Variants in PDE4D observed in about 807,000 individuals in gnomAD.
PDE4D encodes phosphodiesterase 4D.
A neutral mutation model predicts 87.4 loss-of-function variants in PDE4D; 24 were observed. The observed-to-expected ratio is 0.27, with a 90% CI of 0.20 to 0.39. PDE4D has a LOEUF of 0.39. Ranked by LOEUF, PDE4D falls within the 10% of genes least tolerant of loss-of-function variation. PDE4D has a pLI of 1.00. For missense variants in PDE4D, 714 were observed against 1,041.0 expected, an observed-to-expected ratio of 0.69 and a Z score of 4.32; for synonymous variants, 384 against 383.2, an observed-to-expected ratio of 1.00 and a Z score of -0.02.
At chr5:58,983,548 A>G (rs556968595) in intron 11 of PDE4D, among the ~76,000 whole-genome samples, 4 of 152,338 alleles carry the variant, frequency 2.6e-5, no homozygotes, top group African/African-American at 7.2e-5. Context: ...CAGCAGGCCT[A>G]TATCTTTCTT....
intron 2 of PDE4D, among the ~76,000 whole-genome samples, chr5:59,214,310 G>C (rs892615932): frequency 6.6e-6 from 1 of 152,040 alleles, no homozygotes; most frequent in Non-Finnish European, 1.5e-5. Context: ...TGGCTCTCAG[G>C]TCCCATAGAC....
rs1398505310 is a variant in PDE4D at position 59,738,274 on chromosome 5, T to C, written c.455+154894A>G. Among the ~76,000 whole-genome samples, 7 of 152,268 alleles carry C rather than the reference T, an allele frequency of 4.6e-5. No homozygotes were observed. In the East Asian group the frequency reaches 1.3e-3, roughly 29 times the overall value. On this transcript the variant is annotated intron_variant, in intron 1 of 14. Coordinates refer to ENST00000340635, the MANE Select transcript of PDE4D (RefSeq NM_001104631.2). ...ATATTTGTACCAAACATCACATTTG[T>C]CATACAATGTATTCTGTTGTCAGAT... is the stretch of plus-strand genomic sequence containing the variant.
intron 1 of PDE4D, among the ~76,000 whole-genome samples, chr5:59,492,384 T>C (rs1414688617): frequency 1.3e-5 from 2 of 152,216 alleles, no homozygotes; most frequent in East Asian, 1.9e-4. Context: ...TGCTCACACT[T>C]GGCACCTGAC....
chr5:59,714,784 C>G (rs943663811), intron 1 of PDE4D, among the ~76,000 whole-genome samples: 2 of 152,212 alleles, frequency 1.3e-5, no homozygotes, highest in African/African-American at 4.8e-5. Context: ...TTATGTTAAC[C>G]TCTGATTCTC....
At chr5:59,862,128 C>A (rs1297231474) in intron 1 of PDE4D, among the ~76,000 whole-genome samples, 2 of 152,128 alleles carry the variant, frequency 1.3e-5, no homozygotes, top group African/African-American at 2.4e-5. Context: ...AGTGTTAATG[C>A]CTAACTGGCC....
At chr5:59,118,201 C>T (rs772919222) in intron 5 of PDE4D, among the ~76,000 whole-genome samples, 7 of 152,162 alleles carry the variant, frequency 4.6e-5, no homozygotes, top group Admixed American at 6.5e-5. Flanking sequence ...GTTTCTTGAA[C>T]GTATCAGGTA....
intron 1 of PDE4D, among the ~76,000 whole-genome samples, chr5:59,870,882 C>T (rs1015648262): frequency 1.3e-5 from 2 of 152,152 alleles, no homozygotes; most frequent in African/African-American, 4.8e-5. Context: ...AAAAACTAAT[C>T]CAAGTAAGAA....
intron 5 of PDE4D, among the ~76,000 whole-genome samples, chr5:59,075,870 C>T (rs976010537): frequency 2.0e-5 from 3 of 152,012 alleles, no homozygotes; most frequent in Non-Finnish European, 4.4e-5. Flanking sequence ...CCCATACTAT[C>T]TTTTCCTATG....
At chr5:59,685,021 T>C (rs1412854958) in intron 1 of PDE4D, among the ~76,000 whole-genome samples, 1 of 152,206 alleles carries the variant, frequency 6.6e-6, no homozygotes, top group Non-Finnish European at 1.5e-5. Flanking sequence ...CATTTTGGCA[T>C]GGGCTTCTTG....
At chr5:60,269,370 G>A (rs559675214) in intron 1 of PDE4D, among the ~76,000 whole-genome samples, 1 of 152,306 alleles carries the variant, frequency 6.6e-6, no homozygotes, top group Non-Finnish European at 1.5e-5. Context: ...ATTAGGCTCT[G>A]CTACATTCCA....
At chr5:59,721,867 C>T (rs1306997379) in intron 1 of PDE4D, among the ~76,000 whole-genome samples, 1 of 152,122 alleles carries the variant, frequency 6.6e-6, no homozygotes, top group East Asian at 1.9e-4. Context: ...TAAAAATCTC[C>T]TCTGTGTCTT....
intron 1 of PDE4D, among the ~76,000 whole-genome samples, chr5:59,543,378 A>C (rs1023072943): frequency 1.4e-4 from 22 of 152,272 alleles, no homozygotes; most frequent in Admixed American, 3.9e-4. Flanking sequence ...AATTCTTAGA[A>C]GGGAGGAACC....
chr5:60,045,933 T>C (rs1341977511), intron 2 of PDE4D, among the ~76,000 whole-genome samples: 2 of 152,214 alleles, frequency 1.3e-5, no homozygotes, highest in East Asian at 3.8e-4. Context: ...GGGATGGCAC[T>C]GAATCTTTAA....
At chr5:59,405,454 C>T (rs1791443026) in intron 1 of PDE4D, among the ~76,000 whole-genome samples, 1 of 152,114 alleles carries the variant, frequency 6.6e-6, no homozygotes, top group South Asian at 2.1e-4. Flanking sequence ...AATCTGTTTA[C>T]CAGTTCTAGT....
In PDE4D at chr5:59,805,713, C is replaced by T. The variant is rs79087224; in HGVS notation, c.455+87455G>A. On this transcript the variant is annotated intron_variant, in intron 1 of 14. Transcript: ENST00000340635. ...AGGCAAGTGGATAGGGATATTTAGT[C>T]CTTGGGATTCTAAAAATCTCAAAGA... Among the ~76,000 whole-genome samples, 1,332 of 152,288 alleles carry T rather than the reference C, an allele frequency of 8.7e-3. 13 individuals carry two copies. Among genetic ancestry groups the T allele is most frequent in the East Asian group, 0.037 (192 of 5,186 alleles).
intron 2 of PDE4D, among the ~76,000 whole-genome samples, chr5:60,104,650 T>G (rs575389537): frequency 5.4e-4 from 82 of 152,094 alleles, no homozygotes; most frequent in Non-Finnish European, 9.7e-4. Context: ...GGCCAAGTAC[T>G]CCTCTGAGAC....
chr5:59,438,571 C>A (rs976543349), intron 1 of PDE4D, among the ~76,000 whole-genome samples: 6 of 152,078 alleles, frequency 3.9e-5, no homozygotes, highest in African/African-American at 1.2e-4. Flanking sequence ...ACAGCTATTG[C>A]CCTGGAATGA....
At chr5:59,720,928 T>A (rs923365737) in intron 1 of PDE4D, among the ~76,000 whole-genome samples, 1 of 152,172 alleles carries the variant, frequency 6.6e-6, no homozygotes, top group Non-Finnish European at 1.5e-5. Flanking sequence ...TTGGGTTCTA[T>A]ACAAATGTAG....
intron 1 of PDE4D, among the ~76,000 whole-genome samples, chr5:60,474,046 T>C (rs900556590): frequency 7.1e-6 from 1 of 141,350 alleles, no homozygotes; most frequent in South Asian, 2.3e-4. Flanking sequence ...TTTTTTTATC[T>C]TCCCAAGGCA....
Sources: gnomAD v4.1 joint callset for allele counts (sites outside exome capture counted in the v4.1 genomes callset) on GRCh38, gnomAD v4.1.1 for gene constraint, MANE v1.5 for transcripts, NCBI Gene and HGNC (gene_info 2026-07-23, HGNC 2026-07-21) for gene names.